Variants in RALGDS observed in about 807,000 individuals in gnomAD.
RALGDS encodes ral guanine nucleotide exchange factor.
In RALGDS, 44 loss-of-function variants were observed where a neutral mutation model predicts 99.8. That is an observed-to-expected ratio of 0.44 (90% CI 0.35 to 0.57). The LOEUF is 0.57. Among genes scored for constraint, RALGDS ranks in the 20% least tolerant of loss-of-function variants. RALGDS has a pLI of 0.01. For synonymous variants in RALGDS, 529 were observed against 505.0 expected (o/e 1.05, Z -0.64); for missense variants, 1,022 against 1,203.1 (o/e 0.85, Z 2.23).
chr9:133,103,946 G>T, intron 10 of RALGDS, 113 bp from the exon 11 acceptor site: 1 of 1,029,744 alleles, frequency 9.7e-7, no homozygotes, highest in South Asian at 1.3e-5. Flanking sequence ...GGGCCTCCTG[G>T]GGCCCACTGT....
At chr9:133,130,468 A>G (rs1220953867) in intron 1 of RALGDS, among the ~76,000 whole-genome samples, 1 of 152,146 alleles carries the variant, frequency 6.6e-6, no homozygotes, top group Non-Finnish European at 1.5e-5. Context: ...GGTTTGTTTC[A>G]TTAAGTAGGG....
Position 133,131,039 on chromosome 9 carries a change from G to A in RALGDS, c.45C>T (p.Ser15=), listed in dbSNP as rs1344934866. 4.6e-6 allele frequency: 7 copies of A among 1,533,100 alleles called. No homozygotes were observed. The East Asian group carries it at 1.7e-4, about 38-fold the overall frequency. The allele number at this position is 1,533,100 out of a possible 1,614,324, so 95.0% of individuals were successfully genotyped here. A position where few individuals can be genotyped will look rare whatever the true frequency, so the allele number is the denominator to read the frequency against. ...GGGAGCAGAACAGCAGAGGCGGGGA[G>A]GAGAGGGTGTGGGCAGGGGCTGTGG... Residue 15 remains serine (S), a synonymous_variant, in exon 1 of 18, where the codon TCC becomes TCT. Coordinates refer to the RALGDS transcript ENST00000372062.
rs567227030 is a variant in RALGDS, at chr9:133,118,532, A to AC, written c.183+2439dup. Among the ~76,000 whole-genome samples the AC allele has an allele frequency of 5.9e-5, 9 of 152,084 alleles. No homozygotes were observed. The South Asian group carries it at 1.5e-3, about 25-fold the overall frequency. ...GTCAAGTGAGCTCTTAACAGTCTTG[A>AC]CCCCAAAAGGAGATGATGCAAATTA... On this transcript the variant is annotated intron_variant, in intron 1 of 17. Coordinates refer to ENST00000372050, the MANE Select transcript of RALGDS (RefSeq NM_006266.4).
At chr9:133,109,830 A>G in intron 3 of RALGDS, 109 bp from the exon 4 acceptor site, 1 of 829,420 alleles carries the variant, frequency 1.2e-6, no homozygotes. Context: ...TTAAATGCCT[A>G]GAAAAGGGCC....
intron 4 of RALGDS, among the ~76,000 whole-genome samples, 185 bp downstream of exon 4, chr9:133,109,441 A>G (rs1831230627): frequency 6.6e-6 from 1 of 151,670 alleles, no homozygotes; most frequent in Non-Finnish European, 1.5e-5. Context: ...GGACCCCTCC[A>G]CAGCTCTCGG....
At position 133,103,219 on chromosome 9, in the gene RALGDS, C is replaced by T. The variant is rs374221240; in HGVS notation, c.1791+11G>A. On this transcript the variant is annotated intron_variant, in intron 12 of 17. Transcript: ENST00000372050. ...CCCCTCCCCAAGTCAGGGCTGCCTG[C>T]AGCTGCTTACCTTCCTCCTCTTCTC... 21 of 1,613,906 alleles carry T rather than the reference C, an allele frequency of 1.3e-5. 1 individual carries two copies. The highest frequency in any genetic ancestry group is 1.2e-4 in the African/African-American group (9 of 75,062).
At chr9:133,143,890 G>A (rs1261272368) in intron 1 of RALGDS, among the ~76,000 whole-genome samples, 2 of 151,050 alleles carry the variant, frequency 1.3e-5, no homozygotes, top group Admixed American at 6.6e-5. Flanking sequence ...GCTCCCTTTC[G>A]CTGATGCCAT....
upstream of RALGDS, among the ~76,000 whole-genome samples, chr9:133,133,627 T>C (rs1832380239): frequency 6.6e-6 from 1 of 152,206 alleles, no homozygotes; most frequent in Non-Finnish European, 1.5e-5. Context: ...CTTCAGGAGC[T>C]GGGCCTAGTG....
At chr9:133,104,621 G>T in intron 9 of RALGDS, 1 of 420,790 alleles carries the variant, frequency 2.4e-6, no homozygotes, top group South Asian at 2.5e-5. Flanking sequence ...AGACCAGCCT[G>T]GCCAACACAG....
At chr9:133,132,094 C>T (rs1178687134), upstream of RALGDS, among the ~76,000 whole-genome samples, 7 of 152,258 alleles carry the variant, frequency 4.6e-5, no homozygotes, top group Admixed American at 3.9e-4. Flanking sequence ...GTCCAGATGG[C>T]AGTCCGGGGT....
intron 1 of RALGDS, among the ~76,000 whole-genome samples, chr9:133,116,263 C>G (rs1387464836): frequency 6.6e-6 from 1 of 152,230 alleles, no homozygotes; most frequent in African/African-American, 2.4e-5. Context: ...TGTGGGTGGG[C>G]CACACTCCTG....
At chr9:133,143,918 G>A (rs889411508) in intron 1 of RALGDS, among the ~76,000 whole-genome samples, 1 of 151,634 alleles carries the variant, frequency 6.6e-6, no homozygotes, top group Non-Finnish European at 1.5e-5. Flanking sequence ...GCTCCATGGC[G>A]GGGACCTGAC....
At chr9:133,145,290 A>G (rs1832603225) in intron 1 of RALGDS, among the ~76,000 whole-genome samples, 1 of 152,014 alleles carries the variant, frequency 6.6e-6, no homozygotes, top group Admixed American at 6.5e-5. Context: ...CGACCACAGG[A>G]CACCTCCTTC....
intron 10 of RALGDS, 66 bp from the exon 11 acceptor site, chr9:133,103,899 C>G: frequency 6.7e-7 from 1 of 1,487,730 alleles, no homozygotes; most frequent in Non-Finnish European, 9.4e-7. Flanking sequence ...CCCCCAGCCC[C>G]AACTGGTCTC....
chr9:133,098,207 C>T lies in RALGDS; in HGVS notation c.*380G>A. The T allele has an allele frequency of 5.0e-6, 2 of 400,700 alleles. No homozygotes were observed. The highest frequency in any genetic ancestry group is 4.4e-5 in the East Asian group (1 of 22,818). The allele number at this position is 400,700 out of a possible 1,614,324, so 24.8% of individuals were successfully genotyped here. On this transcript the variant is annotated 3_prime_UTR_variant, in exon 18 of 18. Coordinates refer to ENST00000372050, the MANE Select transcript of RALGDS (RefSeq NM_006266.4). ...GTGGGCATGAGAGAACTGCAGTGGTCACAGTGGGTGCTCTGGGGTGCCCAT... is the reference window on the plus strand; with the variant it reads ...GTGGGCATGAGAGAACTGCAGTGGTTACAGTGGGTGCTCTGGGGTGCCCAT...
intron 9 of RALGDS, 27 bp downstream of exon 9, chr9:133,105,905 C>T: frequency 1.2e-6 from 1 of 837,516 alleles, no homozygotes; most frequent in Non-Finnish European, 1.8e-6. Flanking sequence ...CCGCCCCAGC[C>T]CCCGCCCCAG....
At chr9:133,124,596 T>C (rs943424954), upstream of RALGDS, among the ~76,000 whole-genome samples, 18 of 151,860 alleles carry the variant, frequency 1.2e-4, no homozygotes, top group Non-Finnish European at 2.1e-4. Context: ...TACACACACA[T>C]AGAGACAGAA....
chr9:133,109,991 G>A (rs1264399687), intron 3 of RALGDS, among the ~76,000 whole-genome samples: 2 of 152,180 alleles, frequency 1.3e-5, no homozygotes, highest in South Asian at 4.1e-4. Context: ...CTTCGCCCAA[G>A]GCCACATACA....
chr9:133,111,729 T>A (rs1831352683), intron 2 of RALGDS, among the ~76,000 whole-genome samples: 1 of 152,138 alleles, frequency 6.6e-6, no homozygotes, highest in South Asian at 2.1e-4. Context: ...ACCCCAGGGA[T>A]GTGTTCTGGG....
Sources: gnomAD v4.1 joint callset for allele counts (sites outside exome capture counted in the v4.1 genomes callset) on GRCh38, gnomAD v4.1.1 for gene constraint, MANE v1.5 for transcripts, NCBI Gene and HGNC (gene_info 2026-07-23, HGNC 2026-07-21) for gene names.